CDK13: variants seen among roughly 807,000 people sequenced by gnomAD.
The protein encoded by CDK13 is cyclin-dependent kinase 13.
In CDK13, 40 loss-of-function variants were observed where a neutral mutation model predicts 137.6. The ratio of observed to expected loss-of-function variants is 0.29; its 90% confidence interval spans 0.23 to 0.38. The LOEUF (loss-of-function observed/expected upper bound fraction) is 0.38. CDK13 is among the 10% of genes least tolerant of loss of function. CDK13 has a pLI of 1.00. For synonymous variants in CDK13, 869 were observed against 760.1 expected (o/e 1.14, Z -2.36); for missense variants, 1,704 against 1,951.8 (o/e 0.87, Z 2.39).
intron 5 of CDK13, among the ~76,000 whole-genome samples, chr7:40,003,965 A>G (rs1010351827): frequency 6.6e-6 from 1 of 152,210 alleles, no homozygotes; most frequent in Non-Finnish European, 1.5e-5. Context: ...ATGTTTCCTA[A>G]TAAGTGGGAA....
chr7:39,950,954 C>T lies in CDK13; in HGVS notation c.313C>T (p.Arg105Trp), dbSNP rs1787149077. 2 of 1,311,430 alleles carry T rather than the reference C, an allele frequency of 1.5e-6. No individual in the cohort carries two copies. Among genetic ancestry groups the T allele is most frequent in the Non-Finnish European group, 9.7e-7 (1 of 1,034,954 alleles). 81.2% of individuals were successfully genotyped at this position (1,311,430 alleles called of 1,614,324 possible). A position where few individuals can be genotyped will look rare whatever the true frequency, so the allele number is the denominator to read the frequency against. Residue 105 changes from arginine (R) to tryptophan (W), a missense_variant, in exon 1 of 14, where the codon CGG becomes TGG. Around this residue, in one of 5 missense-constraint regions of CDK13, gnomAD observed 1,051 missense variants for 931.0 expected, o/e 1.13. Transcript: ENST00000181839. ...GKRRAGGRQK[R>W]RRGPRAGQEA... ...GAGGCGCGCAGGAGGGCGGCAGAAG[C>T]GGCGTCGCGGGCCCCGCGCCGGGCA...
chr7:40,050,366 T>C (rs980200325), intron 7 of CDK13, among the ~76,000 whole-genome samples: 1 of 152,064 alleles, frequency 6.6e-6, no homozygotes, highest in Non-Finnish European at 1.5e-5. Context: ...TTGAAGTATA[T>C]TTTTTTCTTC....
intron 1 of CDK13, among the ~76,000 whole-genome samples, chr7:39,974,556 CTTTTTTT>C (rs59844316): frequency 7.5e-6 from 1 of 132,994 alleles, no homozygotes; most frequent in African/African-American, 2.8e-5. Context: ...TTCTTTTTTT[CTTTTTTT>C]TTTTTTTTTT....
chr7:39,979,482 C>G (rs1171738056), intron 1 of CDK13, among the ~76,000 whole-genome samples: 2 of 152,070 alleles, frequency 1.3e-5, no homozygotes, highest in African/African-American at 4.8e-5. Context: ...TCCCAAAGTG[C>G]TGTGATTACA....
At chr7:39,974,556 C>CTTTTTTTTT (rs59844316) in intron 1 of CDK13, among the ~76,000 whole-genome samples, 1 of 132,994 alleles carries the variant, frequency 7.5e-6, no homozygotes, top group Admixed American at 7.4e-5. Flanking sequence ...TTCTTTTTTT[C>CTTTTTTTTT]TTTTTTTTTT....
intron 1 of CDK13, among the ~76,000 whole-genome samples, chr7:39,968,499 A>G (rs769841740): frequency 9.9e-5 from 15 of 152,200 alleles, no homozygotes; most frequent in Non-Finnish European, 1.9e-4. Context: ...TAGCCTCTGC[A>G]GTAGCTGGGA....
At position 40,006,422 on chromosome 7, in the gene CDK13, T is replaced by A. The variant is rs181513102; in HGVS notation, c.2353+4391T>A. ...CAACATAAGCTTTTCTTTGTTACTTTCTTCCTTTCACTGAGGATTACAAAG... is the reference window on the plus strand; with the variant it reads ...CAACATAAGCTTTTCTTTGTTACTTACTTCCTTTCACTGAGGATTACAAAG... On this transcript the variant is annotated intron_variant, in intron 5 of 13. Transcript: ENST00000181839. 1.7e-4 allele frequency among the ~76,000 whole-genome samples: 26 copies of A among 152,378 alleles called. 1 individual carries two copies. The East Asian group carries it at 4.8e-3, about 28-fold the overall frequency.
Position 39,999,454 on chromosome 7 carries a change from A to G in CDK13, c.2136A>G (p.Gly712=). Residue 712 remains glycine, a synonymous_variant, in exon 4 of 14, where the codon GGA becomes GGG. Coordinates refer to ENST00000181839, the MANE Select transcript of CDK13 (RefSeq NM_003718.5). ...VDKFDIIGII[G]EGTYGQVYKA... ...AATTTGATATCATCGGAATTATTGG[A>G]GAAGGTACTTACGGACAAGTTTACA... 1 of 1,612,524 alleles carries G rather than the reference A, an allele frequency of 6.2e-7. No individual in the cohort carries two copies. The highest frequency in any genetic ancestry group is 8.5e-7 in the Non-Finnish European group (1 of 1,179,084).
Position 40,078,825 on chromosome 7 carries a change from GGAACCCTCAA to G in CDK13, c.3004_3013del (p.Glu1002LysfsTer29). ...TTCAGTGCGAGTTCCTCCGAGATGTGGAACCCTCAAAAATGCCTCCACCAGAGTAAGTGAC... is the reference window on the plus strand; with the variant it reads ...TTCAGTGCGAGTTCCTCCGAGATGTGAAATGCCTCCACCAGAGTAAGTGAC... On this transcript the variant is annotated frameshift_variant, in exon 11 of 14. Coordinates refer to ENST00000181839, the MANE Select transcript of CDK13 (RefSeq NM_003718.5). LOFTEE classifies it high-confidence loss of function. The G allele has an allele frequency of 6.8e-7, 1 of 1,476,188 alleles. No homozygotes were observed. The highest frequency in any genetic ancestry group is 9.1e-7 in the Non-Finnish European group (1 of 1,104,900). 91.4% of individuals were successfully genotyped at this position (1,476,188 alleles called of 1,614,324 possible). A position where few individuals can be genotyped will look rare whatever the true frequency, so the allele number is the denominator to read the frequency against.
At position 39,987,968 on chromosome 7, in the gene CDK13, A is replaced by G. The variant is rs1234776930; in HGVS notation, c.1581A>G (p.Ser527=). ...AAATTGAACATGCACCTTCTCCCTC[A>G]AGTGGTGGAACTTTAAAAAATGACA... is the stretch of plus-strand genomic sequence containing the variant. ...KIKIEHAPSP[S]SGGTLKNDKA... The change falls in exon 2 of 14, where the codon TCA becomes TCG. Residue 527 remains serine, a synonymous_variant. Transcript: ENST00000181839. 1 of 1,614,186 alleles carries G rather than the reference A, an allele frequency of 6.2e-7. No individual in the cohort carries two copies. Among genetic ancestry groups the G allele is most frequent in the Non-Finnish European group, 8.5e-7 (1 of 1,180,014 alleles).
intron 9 of CDK13, chr7:40,072,990 A>G (rs1195243318): frequency 1.3e-5 from 2 of 152,212 alleles, no homozygotes; most frequent in East Asian, 3.8e-4. Context: ...GAGAGGAATA[A>G]ATGAATGCTT....
In CDK13 at chr7:40,098,842, A is replaced by AATT. The variant is rs1787092846; in HGVS notation, c.*3863_*3864insTTA. On this transcript the variant is annotated 3_prime_UTR_variant, in exon 14 of 14. Transcript: ENST00000181839. The stretch of plus-strand genomic sequence containing the variant: ...CAAGTGGCTTTAAAAAGTCTGCTTA[A>AATT]AAAACAATTTTTATTTAGAAAAAAT... The AATT allele has an allele frequency of 6.6e-6, 1 of 152,124 alleles. No homozygotes were observed. Among genetic ancestry groups the AATT allele is most frequent in the African/African-American group, 2.4e-5 (1 of 41,454 alleles). 9.4% of individuals were successfully genotyped at this position (152,124 alleles called of 1,614,324 possible).
At chr7:40,023,804 C>A (rs1434215834) in intron 5 of CDK13, among the ~76,000 whole-genome samples, 1 of 152,168 alleles carries the variant, frequency 6.6e-6, no homozygotes, top group African/African-American at 2.4e-5. Flanking sequence ...TCTCTTAATA[C>A]TAAAACTGCT....
Position 40,094,287 on chromosome 7 carries a change from G to A in CDK13, c.3846G>A (p.Gln1282=). ...ATCTAGATTATCGGACAGAAAACCA[G>A]CATGTACCCACCACCAGTTCTTCAT... ...EEDLDYRTEN[Q]HVPTTSSSLT... is the part of the protein sequence containing the mutation. Residue 1282 remains glutamine, a synonymous_variant, in exon 14 of 14, where the codon CAG becomes CAA. Coordinates refer to ENST00000181839, the MANE Select transcript of CDK13 (RefSeq NM_003718.5). 3 of 1,612,934 alleles carry A rather than the reference G, an allele frequency of 1.9e-6. No individual in the cohort carries two copies. Among genetic ancestry groups the A allele is most frequent in the South Asian group, 1.1e-5 (1 of 90,906 alleles).
intron 5 of CDK13, among the ~76,000 whole-genome samples, chr7:40,021,116 T>TACACAC (rs1229395145): frequency 5.9e-4 from 59 of 99,632 alleles, no homozygotes; most frequent in African/African-American, 1.6e-3. Context: ...TATATATATA[T>TACACAC]ATATATACAC....
intron 7 of CDK13, chr7:40,059,267 A>T (rs943019905): frequency 6.6e-6 from 1 of 152,266 alleles, no homozygotes; most frequent in African/African-American, 2.4e-5. Flanking sequence ...GGTGCAGCTT[A>T]TCAGGCCTTA....
chr7:40,064,886 G>A (rs554043652), intron 9 of CDK13, among the ~76,000 whole-genome samples: 1 of 149,222 alleles, frequency 6.7e-6, no homozygotes, highest in East Asian at 2.0e-4. Flanking sequence ...TGACCTCCTG[G>A]AGCCAAACAA....
intron 9 of CDK13, chr7:40,069,440 T>G: frequency 2.7e-6 from 1 of 373,524 alleles, no homozygotes; most frequent in South Asian, 2.0e-5. Flanking sequence ...TTCCTGCGCT[T>G]ATGGTTTAGG....
intron 11 of CDK13, among the ~76,000 whole-genome samples, chr7:40,082,166 C>T (rs1020098047): frequency 9.9e-5 from 15 of 152,030 alleles, no homozygotes; most frequent in East Asian, 7.7e-4. Context: ...GGAACTCCTT[C>T]GACATTATGT....
Sources: allele counts gnomAD v4.1 joint callset (sites outside exome capture counted in the v4.1 genomes callset), GRCh38; gene constraint gnomAD v4.1.1; regional missense constraint gnomAD v4.1.1; transcripts MANE v1.5; gene names NCBI Gene and HGNC (gene_info 2026-07-23, HGNC 2026-07-21).